Variants in FSTL1 observed in about 807,000 individuals in gnomAD.
The protein encoded by FSTL1 is follistatin like 1.
In FSTL1, 24 loss-of-function variants were observed where a neutral mutation model predicts 45.9. The observed-to-expected ratio is 0.52, with a 90% CI of 0.38 to 0.74. FSTL1 has a LOEUF of 0.74. Ranked by LOEUF, FSTL1 falls within the 30% of genes least tolerant of loss-of-function variation. The probability of loss-of-function intolerance (pLI) is 0.00; values close to 1 mark genes in which losing one functional copy is unlikely to be tolerated. For synonymous variants in FSTL1, 120 were observed against 137.6 expected (o/e 0.87, Z 0.89); for missense variants, 340 against 381.8 (o/e 0.89, Z 0.91).
At chr3:120,399,207 A>G (rs1936767381) in intron 10 of FSTL1, among the ~76,000 whole-genome samples, 1 of 152,062 alleles carries the variant, frequency 6.6e-6, no homozygotes, top group South Asian at 2.1e-4. Context: ...ATAAGCCAGT[A>G]GGAGGATGGG....
At chr3:120,433,521 T>A (rs2107667500) in intron 2 of FSTL1, among the ~76,000 whole-genome samples, 1 of 152,342 alleles carries the variant, frequency 6.6e-6, no homozygotes, top group Non-Finnish European at 1.5e-5. Flanking sequence ...GCATCTACTA[T>A]ACACTAAGCA....
Position 120,411,905 on chromosome 3 carries a change from C to T in FSTL1, c.247G>A (p.Ala83Thr), listed in dbSNP as rs1448269444. The T allele has an allele frequency of 2.5e-6, 4 of 1,613,494 alleles. No homozygotes were observed. The highest frequency in any genetic ancestry group is 2.5e-6 in the Non-Finnish European group (3 of 1,179,382). Reference protein sequence around the residue: ...YLNHCELHRDACLTGSKIQVD... With the variant: ...YLNHCELHRDTCLTGSKIQVD... ...TGGATTTTGGATCCAGTGAGGCAGGCATCTCGATGCAGTTCACAGTGGTTG... is the reference window on the plus strand; with the variant it reads ...TGGATTTTGGATCCAGTGAGGCAGGTATCTCGATGCAGTTCACAGTGGTTG... Residue 83 changes from alanine (A) to threonine (T), a missense_variant, in exon 4 of 11, where the codon GCC becomes ACC. Coordinates refer to ENST00000295633, the MANE Select transcript of FSTL1 (RefSeq NM_007085.5).
chr3:120,397,123 G>A lies in FSTL1; in HGVS notation c.883-127C>T, dbSNP rs555694247. On this transcript the variant is annotated intron_variant, in intron 10 of 10. Transcript: ENST00000295633. ...GCTGAATTTTAGTTGTTTACTTGTCGGGCTCCTCCACGGACAATGAACAAT... is the reference window on the plus strand; with the variant it reads ...GCTGAATTTTAGTTGTTTACTTGTCAGGCTCCTCCACGGACAATGAACAAT... 13 of 797,614 alleles carry A rather than the reference G, an allele frequency of 1.6e-5. 1 individual carries two copies. Among genetic ancestry groups the A allele is most frequent in the Admixed American group, 3.6e-5 (2 of 55,656 alleles). 49.4% of individuals were successfully genotyped at this position (797,614 alleles called of 1,614,324 possible). A position where few individuals can be genotyped will look rare whatever the true frequency, so the allele number is the denominator to read the frequency against.
chr3:120,449,355 A>G (rs1937829364), intron 2 of FSTL1, among the ~76,000 whole-genome samples: 1 of 152,194 alleles, frequency 6.6e-6, no homozygotes, highest in Non-Finnish European at 1.5e-5. Flanking sequence ...GTACTTGGTA[A>G]ATGTTAAACC....
At chr3:120,443,060 C>T (rs989028341) in intron 2 of FSTL1, among the ~76,000 whole-genome samples, 1 of 147,450 alleles carries the variant, frequency 6.8e-6, no homozygotes, top group African/African-American at 2.7e-5. Context: ...AACCTGCACA[C>T]TGTGCACATG....
In FSTL1 at chr3:120,411,949, C is replaced by T. The variant is rs1176029308; in HGVS notation, c.203G>A (p.Ser68Asn). Reference protein sequence around the residue: ...CKPHKRPVCGSNGKTYLNHCE... With the variant: ...CKPHKRPVCGNNGKTYLNHCE... Reference sequence around the variant, plus strand: ...GTGGTTGAGGTAGGTCTTGCCATTACTGCCACACACAGGCCTCTTGTGAGG... The same window carrying T: ...GTGGTTGAGGTAGGTCTTGCCATTATTGCCACACACAGGCCTCTTGTGAGG... The change falls in exon 4 of 11, where the codon AGT becomes AAT. Residue 68 changes from serine (S) to asparagine (N), a missense_variant. Transcript: ENST00000295633. 3.1e-6 allele frequency: 5 copies of T among 1,612,722 alleles called. No individual in the cohort carries two copies. The highest frequency in any genetic ancestry group is 4.2e-6 in the Non-Finnish European group (5 of 1,178,918).
intron 2 of FSTL1, among the ~76,000 whole-genome samples, chr3:120,437,934 T>C (rs1223161781): frequency 6.6e-6 from 1 of 152,078 alleles, no homozygotes; most frequent in African/African-American, 2.4e-5. Flanking sequence ...CCAGTGCCCA[T>C]GGGCTGTAGT....
At chr3:120,430,352 T>C (rs1223873519) in intron 2 of FSTL1, among the ~76,000 whole-genome samples, 1 of 152,182 alleles carries the variant, frequency 6.6e-6, no homozygotes, top group Non-Finnish European at 1.5e-5. Flanking sequence ...ACATGCCTAA[T>C]TTATTGCACC....
intron 2 of FSTL1, among the ~76,000 whole-genome samples, chr3:120,418,855 C>G (rs576788527): frequency 3.4e-4 from 52 of 152,316 alleles, no homozygotes; most frequent in Middle Eastern, 3.4e-3. Flanking sequence ...GCTATTACTA[C>G]AGTGGGCAAT....
intron 2 of FSTL1, among the ~76,000 whole-genome samples, chr3:120,425,149 T>C (rs1287026713): frequency 6.6e-6 from 1 of 152,100 alleles, no homozygotes; most frequent in Non-Finnish European, 1.5e-5. Context: ...GGGGCTTGGC[T>C]AGCAGAGTGT....
intron 2 of FSTL1, among the ~76,000 whole-genome samples, chr3:120,445,977 A>G (rs1937730482): frequency 6.7e-6 from 1 of 150,020 alleles, no homozygotes; most frequent in Non-Finnish European, 1.5e-5. Context: ...CATCCTAAAC[A>G]AAAAGTATGC....
intron 2 of FSTL1, among the ~76,000 whole-genome samples, chr3:120,428,321 G>A (rs1304159619): frequency 6.6e-6 from 1 of 152,214 alleles, no homozygotes; most frequent in Non-Finnish European, 1.5e-5. Context: ...CCAACCAAGA[G>A]GTGAGACCAT....
chr3:120,419,929 T>C (rs551987993), intron 2 of FSTL1, among the ~76,000 whole-genome samples: 172 of 152,314 alleles, frequency 1.1e-3, no homozygotes, highest in Non-Finnish European at 2.1e-3. Context: ...TGCAGGTCTC[T>C]GTATTTTTAG....
chr3:120,412,717 A>G (rs543368185), intron 3 of FSTL1, among the ~76,000 whole-genome samples: 2 of 152,268 alleles, frequency 1.3e-5, no homozygotes, highest in South Asian at 4.1e-4. Context: ...CAGAAGATCT[A>G]AGATCCCTTA....
In FSTL1 at chr3:120,409,629, C is replaced by G. The variant is rs748013373; in HGVS notation, c.365G>C (p.Arg122Pro). ...TTCCAGCCACTGGATGATGCGACGT[C>G]GGAGCTCATCACGGTTGGACTGATA... Reference protein sequence around the residue: ...VCYQSNRDELRRRIIQWLEAE... With the variant: ...VCYQSNRDELPRRIIQWLEAE... The change falls in exon 6 of 11, where the codon CGA becomes CCA. Residue 122 changes from arginine to proline, a missense_variant. Arg to Pro is a moderately radical substitution (Grantham distance 103). Transcript: ENST00000295633. 6.2e-7 allele frequency: 1 copy of G among 1,614,034 alleles called. No individual in the cohort carries two copies. Among genetic ancestry groups the G allele is most frequent in the Non-Finnish European group, 8.5e-7 (1 of 1,179,906 alleles).
chr3:120,414,630 A>G (rs1297560090), intron 3 of FSTL1, among the ~76,000 whole-genome samples: 4 of 152,010 alleles, frequency 2.6e-5, no homozygotes, highest in African/African-American at 9.7e-5. Flanking sequence ...GAGACTTTTC[A>G]TTTTGTTCTG....
rs397990938 is a variant in FSTL1, at chr3:120,428,774, A to AC, written c.64-12748_64-12747insG. Among the ~76,000 whole-genome samples, 5 of 151,230 alleles carry AC rather than the reference A, an allele frequency of 3.3e-5. No homozygotes were observed. The East Asian group carries it at 7.8e-4, about 24-fold the overall frequency. On this transcript the variant is annotated intron_variant, in intron 2 of 10. Coordinates refer to ENST00000295633, the MANE Select transcript of FSTL1 (RefSeq NM_007085.5). ...AGCAACAACAACAACAACAACAACA[A>AC]AAAACAGGGACAAAGTCCTGGGAAT...
At chr3:120,442,165 G>A (rs539264180) in intron 2 of FSTL1, among the ~76,000 whole-genome samples, 2 of 152,338 alleles carry the variant, frequency 1.3e-5, no homozygotes, top group South Asian at 4.1e-4. Context: ...TATACACCAT[G>A]AGTAGAGGAG....
chr3:120,429,677 C>T (rs912267096), intron 2 of FSTL1, among the ~76,000 whole-genome samples: 1 of 152,192 alleles, frequency 6.6e-6, no homozygotes, highest in African/African-American at 2.4e-5. Context: ...TAATTTACTG[C>T]TCTGGGCATG....
Sources: gnomAD v4.1 joint callset for allele counts (sites outside exome capture counted in the v4.1 genomes callset) on GRCh38, gnomAD v4.1.1 for gene constraint, MANE v1.5 for transcripts, NCBI Gene and HGNC (gene_info 2026-07-23, HGNC 2026-07-21) for gene names.